The following RGS6 variants were observed in gnomAD, a reference collection of about 807,000 sequenced individuals.
The protein encoded by RGS6 is regulator of G-protein signaling 6.
Under a neutral mutation model 78.5 loss-of-function variants are expected in RGS6, and 30 were observed. The observed-to-expected ratio is 0.38, with a 90% confidence interval of 0.29 to 0.52. The LOEUF (loss-of-function observed/expected upper bound fraction) is 0.52, where lower values mean the gene tolerates loss of function less well. Among genes scored for constraint, RGS6 ranks in the 20% least tolerant of loss-of-function variants. The pLI is 0.85. For missense variants in RGS6, 495 were observed against 609.7 expected, an observed-to-expected ratio of 0.81 and a Z score of 1.98; for synonymous variants, 206 against 206.0, an observed-to-expected ratio of 1.00 and a Z score of 0.00.
chr14:72,065,905 G>T (rs368881054), intron 2 of RGS6, among the ~76,000 whole-genome samples: 3 of 151,658 alleles, frequency 2.0e-5, no homozygotes, highest in East Asian at 3.9e-4. Context: ...TATATCTCCC[G>T]ATGCTATCCC....
chr14:72,256,063 G>T lies in RGS6; in HGVS notation c.85-96032G>T, dbSNP rs140326788. Among the ~76,000 whole-genome samples the T allele has an allele frequency of 2.3e-3, 349 of 152,296 alleles. 2 individuals are homozygous for T. The highest frequency in any genetic ancestry group is 7.9e-3 in the African/African-American group (329 of 41,554). ...TTGCCTGCTGCACAGACAGAGCCAA[G>T]GCACTGAGACAGTAGTGTTGCAGCG... On this transcript the variant is annotated intron_variant, in intron 2 of 17. Coordinates refer to ENST00000553525, the MANE Select transcript of RGS6 (RefSeq NM_001204424.2).
intron 2 of RGS6, among the ~76,000 whole-genome samples, chr14:72,122,605 G>A (rs1344202597): frequency 2.0e-5 from 3 of 152,076 alleles, no homozygotes; most frequent in South Asian, 2.1e-4. Context: ...TCACCAGGAG[G>A]TTCTCTAGGA....
At chr14:71,988,133 A>G (rs2094801207) in intron 2 of RGS6, among the ~76,000 whole-genome samples, 2 of 152,194 alleles carry the variant, frequency 1.3e-5, no homozygotes, top group South Asian at 4.1e-4. Context: ...CTGGGCGCTA[A>G]TGTGACTCAA....
chr14:71,986,152 A>G (rs533105857), intron 2 of RGS6, among the ~76,000 whole-genome samples: 10 of 152,260 alleles, frequency 6.6e-5, no homozygotes, highest in African/African-American at 2.2e-4. Flanking sequence ...GTATATGACT[A>G]CAGTGTTCTC....
chr14:72,164,375 T>C (rs1304135997), intron 2 of RGS6, among the ~76,000 whole-genome samples: 3 of 152,180 alleles, frequency 2.0e-5, no homozygotes, highest in Non-Finnish European at 4.4e-5. Context: ...ATATTTCATC[T>C]GGCCACTCTT....
intron 15 of RGS6, among the ~76,000 whole-genome samples, chr14:72,532,231 G>A (rs1003545735): frequency 2.0e-5 from 3 of 152,204 alleles, no homozygotes; most frequent in Admixed American, 2.0e-4. Flanking sequence ...ATGATTATAT[G>A]TTTATGGTGA....
chr14:71,983,914 A>G (rs2094570386), intron 2 of RGS6, among the ~76,000 whole-genome samples: 1 of 152,226 alleles, frequency 6.6e-6, no homozygotes, highest in Admixed American at 6.5e-5. Context: ...CAAAGATCAA[A>G]TGAACAAGTA....
the RGS6 span, among the ~76,000 whole-genome samples, chr14:72,595,853 G>A: frequency 3.3e-5 from 5 of 152,104 alleles, no homozygotes; most frequent in Non-Finnish European, 7.4e-5. Context: ...TCTAGACTCC[G>A]CCCATTCGCG....
chr14:72,119,256 C>G (rs1016523207), intron 2 of RGS6, among the ~76,000 whole-genome samples: 4 of 152,142 alleles, frequency 2.6e-5, no homozygotes, highest in Admixed American at 2.6e-4. Context: ...CTTTTTAACA[C>G]AGTTGAAGAT....
chr14:71,952,010 A>G (rs2092366475), intron 1 of RGS6, among the ~76,000 whole-genome samples: 1 of 152,176 alleles, frequency 6.6e-6, no homozygotes, highest in Admixed American at 6.5e-5. Context: ...TTGGTGCAAA[A>G]GTAATTGCAT....
At chr14:72,534,851 C>T (rs2097226785) in intron 15 of RGS6, among the ~76,000 whole-genome samples, 1 of 152,214 alleles carries the variant, frequency 6.6e-6, no homozygotes, top group Admixed American at 6.5e-5. Context: ...CTCCTCCTCC[C>T]TGACCAGCTC....
At chr14:72,510,011 G>A in intron 13 of RGS6, 143 bp from the exon 14 acceptor site, 1 of 945,436 alleles carries the variant, frequency 1.1e-6, no homozygotes, top group Non-Finnish European at 1.6e-6. Context: ...AATTTGTGCA[G>A]CTTTTGTAGA....
intron 15 of RGS6, among the ~76,000 whole-genome samples, chr14:72,534,839 C>T (rs2097226326): frequency 6.6e-6 from 1 of 152,182 alleles, no homozygotes; most frequent in African/African-American, 2.4e-5. Flanking sequence ...CAGATGAGCA[C>T]TCTCCTCCTC....
chr14:71,882,727 C>A, the RGS6 span, among the ~76,000 whole-genome samples: 1 of 152,104 alleles, frequency 6.6e-6, no homozygotes, highest in Non-Finnish European at 1.5e-5. Context: ...ATAATTAATT[C>A]CTTTCAGGAT....
intron 17 of RGS6, chr14:72,547,365 G>A: frequency 6.5e-7 from 1 of 1,532,588 alleles, no homozygotes; most frequent in Non-Finnish European, 8.7e-7. Context: ...CAAAGGCTAA[G>A]AAGTAAGACC....
chr14:72,089,542 C>T lies in RGS6; in HGVS notation c.84+124667C>T, dbSNP rs575488522. ...AGATACGAAGATTATCTGCTCTATC[C>T]AATTTGTGTTTTCTTAGCTGAGAAA... On this transcript the variant is annotated intron_variant, in intron 2 of 17. Coordinates refer to ENST00000553525, the MANE Select transcript of RGS6 (RefSeq NM_001204424.2). Among the ~76,000 whole-genome samples, 6 of 152,274 alleles carry T rather than the reference C, an allele frequency of 3.9e-5. 1 individual carries two copies. The South Asian group carries it at 1.2e-3, about 32-fold the overall frequency.
At chr14:72,292,716 T>C (rs7141883) in intron 2 of RGS6, among the ~76,000 whole-genome samples, 7,267 of 152,300 alleles carry the variant, frequency 0.048, 519 homozygotes, top group African/African-American at 0.16. Flanking sequence ...GTTACTGATG[T>C]ATAGTTTCTT....
chr14:72,093,092 C>G (rs755256235), intron 2 of RGS6, among the ~76,000 whole-genome samples: 1 of 151,902 alleles, frequency 6.6e-6, no homozygotes, highest in Non-Finnish European at 1.5e-5. Flanking sequence ...CAGCATTCAG[C>G]CCTGGAAGCA....
At chr14:72,402,021 G>A (rs535001327) in intron 3 of RGS6, among the ~76,000 whole-genome samples, 30 of 152,330 alleles carry the variant, frequency 2.0e-4, no homozygotes, top group African/African-American at 7.0e-4. Flanking sequence ...TAATCTGGGG[G>A]GAAGGAACCC....
Sources: allele counts gnomAD v4.1 joint callset (sites outside exome capture counted in the v4.1 genomes callset), GRCh38; gene constraint gnomAD v4.1.1; transcripts MANE v1.5; gene names NCBI Gene and HGNC (gene_info 2026-07-23, HGNC 2026-07-21).